Variants in CNOT7 observed in about 807,000 individuals in gnomAD.
CNOT7 encodes BTG1-binding factor 1.
In CNOT7, 4 loss-of-function variants were observed where a neutral mutation model predicts 37.1. The ratio of observed to expected loss-of-function variants is 0.11; its 90% CI spans 0.05 to 0.25. CNOT7 has a LOEUF of 0.25. Among genes scored for constraint, CNOT7 ranks in the 10% least tolerant of loss-of-function variants. The pLI is 1.00. For synonymous variants in CNOT7, 128 were observed against 115.6 expected, an observed-to-expected ratio of 1.11 and a Z score of -0.69; for missense variants, 170 against 336.2, an observed-to-expected ratio of 0.51 and a Z score of 3.87.
intron 3 of CNOT7, among the ~76,000 whole-genome samples, chr8:17,240,353 T>A (rs78149665): frequency 1.1e-5 from 1 of 89,472 alleles, no homozygotes; most frequent in African/African-American, 6.3e-5. Context: ...CATTTTGAGA[T>A]TTTTTTTTTT....
At chr8:17,232,173 T>A in intron 6 of CNOT7, 1 of 1,236,412 alleles carries the variant, frequency 8.1e-7, no homozygotes, top group Non-Finnish European at 1.0e-6. Context: ...TGGTTGGACC[T>A]ACATGACTTC....
intron 5 of CNOT7, 130 bp from the exon 6 acceptor site, chr8:17,232,667 G>A (rs1032165693): frequency 2.6e-5 from 19 of 717,216 alleles, no homozygotes; most frequent in Non-Finnish European, 3.4e-5. Context: ...TATAAAGATT[G>A]GGGGGAAGAA....
At chr8:17,232,630 T>C in intron 5 of CNOT7, 93 bp from the exon 6 acceptor site, 1 of 1,039,672 alleles carries the variant, frequency 9.6e-7, no homozygotes, top group South Asian at 1.5e-5. Flanking sequence ...AAAATAAAAA[T>C]AAACTTTAGT....
chr8:17,232,347 GC>G lies in CNOT7; in HGVS notation c.729+79del, dbSNP rs1336904380. ...TATCTTTACTTAGTAGGTACTTGTT[GC>G]CCAAAATCTTTGGCCACAAGATTTT... On this transcript the variant is annotated intron_variant, in intron 6 of 6. Transcript: ENST00000361272. The G allele has an allele frequency of 8.8e-5, 141 of 1,608,206 alleles. 2 individuals are homozygous for G. In the South Asian group the frequency reaches 1.2e-3, roughly 14 times the overall value.
intron 5 of CNOT7, among the ~76,000 whole-genome samples, 198 bp from the exon 6 acceptor site, chr8:17,232,735 G>GTATTAAATGTATCATTTAATAGTATT (rs1808797267): frequency 2.0e-5 from 3 of 152,082 alleles, no homozygotes; most frequent in Non-Finnish European, 4.4e-5. Context: ...TCATTTAATA[G>GTATTAAATGTATCATTTAATAGTATT]AAAACAAGAT....
intron 1 of CNOT7, chr8:17,246,282 C>T (rs1197124973): frequency 6.6e-6 from 1 of 152,272 alleles, no homozygotes; most frequent in Non-Finnish European, 1.5e-5. Flanking sequence ...GAGGACGGCA[C>T]CGAGGTATTC....
chr8:17,231,665 A>C (rs1808632052), intron 6 of CNOT7: 2 of 985,204 alleles, frequency 2.0e-6, no homozygotes, highest in East Asian at 1.1e-4. Context: ...GAAAAACCTC[A>C]CTTGTTTTTT....
chr8:17,237,866 C>A (rs1246171368), intron 3 of CNOT7, among the ~76,000 whole-genome samples: 1 of 152,230 alleles, frequency 6.6e-6, no homozygotes. Flanking sequence ...ATGAGTTAAA[C>A]TACACTTCAT....
chr8:17,242,720 AT>A (rs1246084554), intron 3 of CNOT7: 1 of 263,146 alleles, frequency 3.8e-6, no homozygotes, highest in Non-Finnish European at 7.0e-6. Context: ...ATGTAGGATT[AT>A]TTTTTCTATC....
chr8:17,234,563 T>A, intron 5 of CNOT7, 153 bp downstream of exon 5: 2 of 784,936 alleles, frequency 2.5e-6, no homozygotes, highest in Non-Finnish European at 2.1e-6. Context: ...AAATTATGTA[T>A]GCAAGAAAAA....
chr8:17,237,930 A>C (rs1030189894), intron 3 of CNOT7, among the ~76,000 whole-genome samples: 9 of 152,370 alleles, frequency 5.9e-5, no homozygotes, highest in Middle Eastern at 6.8e-3. Flanking sequence ...TGCCTCCAAT[A>C]AGCAACACTG....
chr8:17,243,450 C>G, intron 2 of CNOT7: 1 of 583,956 alleles, frequency 1.7e-6, no homozygotes, highest in Non-Finnish European at 3.2e-6. Flanking sequence ...ACTCTATAAC[C>G]AAGAAAGGGG....
chr8:17,233,274 GTTAA>G (rs1808876548), intron 5 of CNOT7, among the ~76,000 whole-genome samples: 1 of 152,162 alleles, frequency 6.6e-6, no homozygotes, highest in Non-Finnish European at 1.5e-5. Context: ...TCTCTAACTT[GTTAA>G]GGCCTCCACC....
At chr8:17,234,558 A>T in intron 5 of CNOT7, 158 bp downstream of exon 5, 1 of 745,008 alleles carries the variant, frequency 1.3e-6, no homozygotes, top group Non-Finnish European at 2.2e-6. Flanking sequence ...CCTACAAATT[A>T]TGTATGCAAG....
Position 17,230,039 on chromosome 8 carries a change from CAATTAGA to C in CNOT7, c.*674_*680del, listed in dbSNP as rs1808430023. On this transcript the variant is annotated 3_prime_UTR_variant, in exon 7 of 7. Transcript: ENST00000361272. ...CAGTCACAGAGCAGCCTACACATGCCAATTAGAAACTGACAGACACTAGATGTGCTTG... is the reference window on the plus strand; with the variant it reads ...CAGTCACAGAGCAGCCTACACATGCCAACTGACAGACACTAGATGTGCTTG... 1 of 152,270 alleles carries C rather than the reference CAATTAGA, an allele frequency of 6.6e-6. No homozygotes were observed. Among genetic ancestry groups the C allele is most frequent in the African/African-American group, 2.4e-5 (1 of 41,384 alleles). The allele number at this position is 152,270 out of a possible 1,614,324, so 9.4% of individuals were successfully genotyped here.
chr8:17,234,578 C>T, intron 5 of CNOT7, 138 bp downstream of exon 5: 1 of 905,094 alleles, frequency 1.1e-6, no homozygotes, highest in South Asian at 1.5e-5. Flanking sequence ...GAAAAAAAAT[C>T]ACATGACCAG....
At chr8:17,241,785 T>C (rs1312118562) in intron 3 of CNOT7, 1 of 151,940 alleles carries the variant, frequency 6.6e-6, no homozygotes, top group Non-Finnish European at 1.5e-5. Flanking sequence ...AAAACAAGAG[T>C]TAAGTTCCTA....
chr8:17,232,428 T>C lies in CNOT7; in HGVS notation c.728A>G (p.Glu243Gly), dbSNP rs371008461. 1 of 1,613,866 alleles carries C rather than the reference T, an allele frequency of 6.2e-7. No individual in the cohort carries two copies. Among genetic ancestry groups the C allele is most frequent in the African/African-American group, 1.3e-5 (1 of 74,882 alleles). The part of the protein sequence containing the change: ...LTGMAFFKMR[E>G]MFFEDHIDDA... ...AAAAAGGCAGTGATGTCTTCATACT[T>C]CTCTCATTTTGAAAAAGGCCATTCC... Residue 243 changes from glutamate (E) to glycine (G), a missense_variant and splice_region_variant, in exon 6 of 7, where the codon GAA (glutamate) becomes GGA (glycine). Physicochemically the swap from Glu to Gly is moderately conservative, Grantham distance 98. This residue lies in a region of CNOT7 where 1 missense variants were observed against 29.4 expected (regional missense o/e 0.03). Transcript: ENST00000361272.
chr8:17,239,572 A>G (rs575433814), intron 3 of CNOT7, among the ~76,000 whole-genome samples: 7 of 152,054 alleles, frequency 4.6e-5, no homozygotes, highest in Admixed American at 2.6e-4. Flanking sequence ...GCTCACTGCA[A>G]GCTCCACCTC....
Sources: allele counts gnomAD v4.1 joint callset (sites outside exome capture counted in the v4.1 genomes callset), GRCh38; gene constraint gnomAD v4.1.1; regional missense constraint gnomAD v4.1.1; transcripts MANE v1.5; gene names NCBI Gene and HGNC (gene_info 2026-07-23, HGNC 2026-07-21).